The following BMP2K variants were observed in gnomAD, a reference collection of about 807,000 sequenced individuals.
The protein encoded by BMP2K is BMP-2-inducible protein kinase.
In BMP2K, 74 loss-of-function variants were observed where a neutral mutation model predicts 116.0. The observed-to-expected ratio is 0.64, with a 90% CI of 0.53 to 0.77. BMP2K has a LOEUF of 0.77. BMP2K is among the 30% of genes least tolerant of loss of function. BMP2K has a pLI of 0.00. For missense variants in BMP2K, 1,365 were observed against 1,403.6 expected, an observed-to-expected ratio of 0.97 and a Z score of 0.44; for synonymous variants, 486 against 502.5, an observed-to-expected ratio of 0.97 and a Z score of 0.44.
At chr4:78,816,737 A>G (rs1392831997) in intron 1 of BMP2K, among the ~76,000 whole-genome samples, 3 of 152,178 alleles carry the variant, frequency 2.0e-5, no homozygotes, top group African/African-American at 7.2e-5. Context: ...TATGTTAGTT[A>G]TAATAAAGCA....
intron 1 of BMP2K, among the ~76,000 whole-genome samples, chr4:78,794,458 C>T (rs1728157632): frequency 6.6e-6 from 1 of 152,114 alleles, no homozygotes; most frequent in African/African-American, 2.4e-5. Context: ...TCTACTAGTA[C>T]ATTGGAGATT....
intron 14 of BMP2K, among the ~76,000 whole-genome samples, chr4:78,885,381 CACTGGGGG>C (rs1035299490): frequency 6.6e-6 from 1 of 152,156 alleles, no homozygotes; most frequent in African/African-American, 2.4e-5. Context: ...GTGTCAGTAT[CACTGGGGG>C]GCTAGTTGAA....
Position 78,814,076 on chromosome 4 carries a change from A to C in BMP2K, c.179-11961A>C, listed in dbSNP as rs546608400. On this transcript the variant is annotated intron_variant, in intron 1 of 15. Coordinates refer to ENST00000502613, the MANE Select transcript of BMP2K (RefSeq NM_198892.2). Reference sequence around the variant, plus strand: ...AGTCTAGGGGAGTGTGAAAAAGCAAAATGGGGACTTGGAATGAGATGAAAA... The same window carrying C: ...AGTCTAGGGGAGTGTGAAAAAGCAACATGGGGACTTGGAATGAGATGAAAA... Among the ~76,000 whole-genome samples the C allele has an allele frequency of 2.0e-5, 3 of 152,306 alleles. No individual in the cohort carries two copies. The South Asian group carries it at 6.2e-4, about 32-fold the overall frequency.
chr4:78,802,921 C>T (rs540180328), intron 1 of BMP2K, among the ~76,000 whole-genome samples: 1 of 152,106 alleles, frequency 6.6e-6, no homozygotes, highest in South Asian at 2.1e-4. Context: ...ACATTCCTGG[C>T]TCACTGCAAC....
At position 78,792,553 on chromosome 4, in the gene BMP2K, T is replaced by C. The variant is rs577402401; in HGVS notation, c.178+15832T>C. Among the ~76,000 whole-genome samples the C allele has an allele frequency of 2.0e-4, 30 of 152,372 alleles. No individual in the cohort carries two copies. In the South Asian group the frequency reaches 6.2e-3, roughly 32 times the overall value. Reference sequence around the variant, plus strand: ...CTTATTAATGTAGGAATTTGAACTTTCAAAGAAAATCAGAATTTTAGAAAA... The same window carrying C: ...CTTATTAATGTAGGAATTTGAACTTCCAAAGAAAATCAGAATTTTAGAAAA... On this transcript the variant is annotated intron_variant, in intron 1 of 15. Transcript: ENST00000502613.
At chr4:78,778,920 CTT>C (rs918133890) in intron 1 of BMP2K, among the ~76,000 whole-genome samples, 1 of 152,134 alleles carries the variant, frequency 6.6e-6, no homozygotes, top group Admixed American at 6.5e-5. Flanking sequence ...AAAGCACAGA[CTT>C]GGTAGATTTT....
intron 1 of BMP2K, among the ~76,000 whole-genome samples, chr4:78,822,622 C>T (rs1277668371): frequency 6.6e-6 from 1 of 152,008 alleles, no homozygotes; most frequent in African/African-American, 2.4e-5. Flanking sequence ...TTATAATACT[C>T]TCATAATTTC....
chr4:78,859,763 C>CTT, intron 8 of BMP2K, 76 bp downstream of exon 8: 1 of 1,022,140 alleles, frequency 9.8e-7, no homozygotes, highest in Non-Finnish European at 1.4e-6. Context: ...TTCAGAGTTA[C>CTT]TTTTTTTTTG....
At chr4:78,898,247 G>A (rs1391535663) in intron 15 of BMP2K, among the ~76,000 whole-genome samples, 1 of 152,096 alleles carries the variant, frequency 6.6e-6, no homozygotes, top group East Asian at 1.9e-4. Flanking sequence ...TTATCTAATA[G>A]GAAGTTAAAT....
At chr4:78,849,222 T>A (rs1455476386) in intron 6 of BMP2K, among the ~76,000 whole-genome samples, 1 of 151,338 alleles carries the variant, frequency 6.6e-6, no homozygotes, top group African/African-American at 2.4e-5. Context: ...AAATGCTTTA[T>A]GTTACCTATT....
chr4:78,879,088 T>C, intron 14 of BMP2K, 197 bp downstream of exon 14: 2 of 1,338,012 alleles, frequency 1.5e-6, no homozygotes, highest in South Asian at 2.2e-5. Flanking sequence ...TGATAGTAGC[T>C]ATTAAACCCA....
At chr4:78,789,324 C>CTTTTAT (rs1363212562) in intron 1 of BMP2K, among the ~76,000 whole-genome samples, 1 of 152,056 alleles carries the variant, frequency 6.6e-6, no homozygotes, top group Non-Finnish European at 1.5e-5. Context: ...TGGCCTCTTT[C>CTTTTAT]TTTTATTTTT....
At chr4:78,828,075 C>G (rs978223801) in intron 2 of BMP2K, among the ~76,000 whole-genome samples, 1 of 152,178 alleles carries the variant, frequency 6.6e-6, no homozygotes, top group Admixed American at 6.5e-5. Context: ...CAGACCCATC[C>G]TCAATCTGTG....
At chr4:78,853,821 A>G (rs78806302) in intron 7 of BMP2K, among the ~76,000 whole-genome samples, 2 of 152,200 alleles carry the variant, frequency 1.3e-5, no homozygotes, top group Non-Finnish European at 2.9e-5. Flanking sequence ...AGTGCTTTTT[A>G]GTAAGAGATA....
At position 78,861,487 on chromosome 4, in the gene BMP2K, A is replaced by T; in HGVS notation, c.1067+19A>T. On this transcript the variant is annotated intron_variant, in intron 9 of 15. Coordinates refer to ENST00000502613, the MANE Select transcript of BMP2K (RefSeq NM_198892.2). ...AAGCCAGGTAGGCAAAACTATGCTGAAATTGAAAAGGCATTAAAAAAAATG... is the reference window on the plus strand; with the variant it reads ...AAGCCAGGTAGGCAAAACTATGCTGTAATTGAAAAGGCATTAAAAAAAATG... The T allele has an allele frequency of 6.3e-7, 1 of 1,584,608 alleles. No individual in the cohort carries two copies. Among genetic ancestry groups the T allele is most frequent in the Non-Finnish European group, 8.6e-7 (1 of 1,158,102 alleles).
At chr4:78,867,537 T>C (rs899363416) in intron 10 of BMP2K, among the ~76,000 whole-genome samples, 1 of 151,726 alleles carries the variant, frequency 6.6e-6, no homozygotes, top group African/African-American at 2.4e-5. Flanking sequence ...CCCCAATAAG[T>C]GCATTTTTTT....
At chr4:78,865,471 A>G (rs1731999075) in intron 9 of BMP2K, 86 bp from the exon 10 acceptor site, 1 of 1,261,652 alleles carries the variant, frequency 7.9e-7, no homozygotes, top group Non-Finnish European at 1.1e-6. Context: ...GTTAAAATGT[A>G]TCTGTTGAGT....
intron 1 of BMP2K, among the ~76,000 whole-genome samples, chr4:78,783,023 A>G (rs1229698516): frequency 6.6e-6 from 1 of 152,230 alleles, no homozygotes; most frequent in Admixed American, 6.5e-5. Context: ...CTTCATAACT[A>G]TGAGTGAACT....
At chr4:78,846,658 T>C (rs1731014963) in intron 5 of BMP2K, among the ~76,000 whole-genome samples, 2 of 151,600 alleles carry the variant, frequency 1.3e-5, no homozygotes. Context: ...ACTTAATGAG[T>C]GCAGTTAGAT....
Sources: allele counts gnomAD v4.1 joint callset (sites outside exome capture counted in the v4.1 genomes callset), GRCh38; gene constraint gnomAD v4.1.1; transcripts MANE v1.5; gene names NCBI Gene and HGNC (gene_info 2026-07-23, HGNC 2026-07-21).